Variants in CNBD1 observed in about 807,000 individuals in gnomAD.
CNBD1 encodes the protein cyclic nucleotide binding domain containing 1.
In CNBD1, 71 loss-of-function variants were observed where a neutral mutation model predicts 54.4. The ratio of observed to expected loss-of-function variants is 1.30; its 90% confidence interval spans 1.08 to 1.59. CNBD1 has a LOEUF of 1.59. Among genes scored for constraint, CNBD1 ranks in the 40% most tolerant of loss-of-function variants. The pLI is 0.00. For missense variants in CNBD1, 659 were observed against 518.0 expected (o/e 1.27, Z -2.64); for synonymous variants, 182 against 170.7 (o/e 1.07, Z -0.51).
At position 87,264,820 on chromosome 8, in the gene CNBD1, A is replaced by G. The variant is rs556390652; in HGVS notation, c.772-19858A>G. Among the ~76,000 whole-genome samples, 10 of 152,146 alleles carry G rather than the reference A, an allele frequency of 6.6e-5. No homozygotes were observed. In the East Asian group the frequency reaches 1.2e-3, roughly 18 times the overall value. On this transcript the variant is annotated intron_variant, in intron 6 of 10. Transcript: ENST00000518476. ...CTTCTTTTGAGAAGTGTCTGTTCATATCCTTCGCCCACTTGTTGATGGGGT... is the reference window on the plus strand; with the variant it reads ...CTTCTTTTGAGAAGTGTCTGTTCATGTCCTTCGCCCACTTGTTGATGGGGT...
chr8:87,106,609 T>C (rs920252421), intron 4 of CNBD1, among the ~76,000 whole-genome samples: 3 of 152,218 alleles, frequency 2.0e-5, no homozygotes, highest in African/African-American at 4.8e-5. Context: ...TTTTCACTAT[T>C]TTAATTAAAC....
At chr8:87,073,593 C>G (rs999296556) in intron 4 of CNBD1, among the ~76,000 whole-genome samples, 5 of 152,252 alleles carry the variant, frequency 3.3e-5, no homozygotes, top group Non-Finnish European at 5.9e-5. Context: ...GTTTCCACTC[C>G]AGACCATAGT....
intron 4 of CNBD1, among the ~76,000 whole-genome samples, chr8:87,139,748 G>C (rs532334752): frequency 1.4e-3 from 215 of 152,222 alleles, no homozygotes; most frequent in Middle Eastern, 6.8e-3. Flanking sequence ...GCAAAGACTA[G>C]GGGTCAAAGG....
At chr8:87,334,948 T>G (rs1041611603) in intron 8 of CNBD1, among the ~76,000 whole-genome samples, 2 of 151,950 alleles carry the variant, frequency 1.3e-5, no homozygotes, top group African/African-American at 4.8e-5. Context: ...ATGGTCTCAG[T>G]CTCTTGACCT....
chr8:87,093,247 C>T (rs1043287096), intron 4 of CNBD1, among the ~76,000 whole-genome samples: 1 of 152,106 alleles, frequency 6.6e-6, no homozygotes, highest in Non-Finnish European at 1.5e-5. Flanking sequence ...GCTAATTTTT[C>T]GGCCACCTTT....
intron 3 of CNBD1, among the ~76,000 whole-genome samples, chr8:86,926,543 C>G (rs149964096): frequency 7.5e-4 from 114 of 152,314 alleles, no homozygotes; most frequent in African/African-American, 2.7e-3. Flanking sequence ...CCATGTCACC[C>G]AACTCCAGAG....
chr8:87,017,710 C>T (rs1440513560), intron 4 of CNBD1, among the ~76,000 whole-genome samples: 1 of 152,044 alleles, frequency 6.6e-6, no homozygotes, highest in African/African-American at 2.4e-5. Context: ...AAAGCTGCTG[C>T]TCTGGTTAAA....
At chr8:87,336,566 T>C (rs2130914892) in intron 8 of CNBD1, among the ~76,000 whole-genome samples, 1 of 152,320 alleles carries the variant, frequency 6.6e-6, no homozygotes, top group South Asian at 2.1e-4. Context: ...TGTTTCTCTC[T>C]AGACTGGTAA....
chr8:87,145,311 T>A (rs1239124156), intron 4 of CNBD1, among the ~76,000 whole-genome samples: 1 of 152,012 alleles, frequency 6.6e-6, no homozygotes, highest in East Asian at 1.9e-4. Flanking sequence ...TGAAGAAAAA[T>A]TAATGTCAAC....
At chr8:86,967,624 A>C (rs1038139124) in intron 4 of CNBD1, among the ~76,000 whole-genome samples, 8 of 152,178 alleles carry the variant, frequency 5.3e-5, no homozygotes, top group African/African-American at 1.7e-4. Flanking sequence ...TTTATTTCTA[A>C]CATTTTTTAA....
intron 4 of CNBD1, among the ~76,000 whole-genome samples, chr8:87,174,076 A>T (rs908923810): frequency 5.3e-5 from 8 of 152,004 alleles, no homozygotes; most frequent in Non-Finnish European, 1.2e-4. Context: ...CTCCTGCCTC[A>T]GCCTCCCGAG....
At chr8:87,009,905 G>A (rs1809179929) in intron 4 of CNBD1, among the ~76,000 whole-genome samples, 1 of 151,986 alleles carries the variant, frequency 6.6e-6, no homozygotes, top group East Asian at 1.9e-4. Context: ...CCATCTTCAG[G>A]TGGCCTTTGC....
At chr8:87,095,806 C>T (rs577460933) in intron 4 of CNBD1, among the ~76,000 whole-genome samples, 7 of 152,138 alleles carry the variant, frequency 4.6e-5, no homozygotes, top group African/African-American at 7.2e-5. Flanking sequence ...TACAGGTGCC[C>T]GCCACCACAC....
At chr8:87,399,712 C>T (rs1295056506) in intron 2 of CNBD1, among the ~76,000 whole-genome samples, 1 of 151,906 alleles carries the variant, frequency 6.6e-6, no homozygotes. Context: ...AGTGAACCAT[C>T]GTGTATTTAG....
chr8:87,155,240 G>T (rs1375781782), intron 4 of CNBD1, among the ~76,000 whole-genome samples: 3 of 152,180 alleles, frequency 2.0e-5, no homozygotes, highest in Non-Finnish European at 2.9e-5. Context: ...GCAAGGAGGT[G>T]ATATGTGTTG....
chr8:87,389,379 A>G (rs552033759), intron 2 of CNBD1, among the ~76,000 whole-genome samples: 73 of 152,316 alleles, frequency 4.8e-4, no homozygotes, highest in Middle Eastern at 6.8e-3. Context: ...AATCTCTTCA[A>G]GCTGATAGGC....
intron 4 of CNBD1, among the ~76,000 whole-genome samples, chr8:87,057,148 G>A (rs150179915): frequency 5.2e-4 from 79 of 152,268 alleles, no homozygotes; most frequent in Non-Finnish European, 1.0e-3. Context: ...GTATTCGTTC[G>A]TCCTCATGCT....
intron 6 of CNBD1, among the ~76,000 whole-genome samples, chr8:87,251,239 C>T (rs1195981209): frequency 6.6e-6 from 1 of 152,110 alleles, no homozygotes; most frequent in Non-Finnish European, 1.5e-5. Flanking sequence ...CTAGTTCTTC[C>T]TAACGTTCTG....
intron 4 of CNBD1, among the ~76,000 whole-genome samples, chr8:87,146,169 A>T (rs1399725006): frequency 6.6e-6 from 1 of 152,158 alleles, no homozygotes; most frequent in Non-Finnish European, 1.5e-5. Flanking sequence ...TTTTACAATT[A>T]TAATTATAGA....
Sources: gnomAD v4.1 joint callset for allele counts (sites outside exome capture counted in the v4.1 genomes callset) on GRCh38, gnomAD v4.1.1 for gene constraint, MANE v1.5 for transcripts, NCBI Gene and HGNC (gene_info 2026-07-23, HGNC 2026-07-21) for gene names.